NOL4: variants seen among roughly 807,000 people sequenced by gnomAD.
NOL4 encodes the protein nucleolar protein 4, also known as cancer/testis antigen 125.
NOL4 carries 17 observed loss-of-function variants against 75.9 expected under a neutral mutation model. That is an observed-to-expected ratio of 0.22 (90% CI 0.15 to 0.34). The LOEUF (loss-of-function observed/expected upper bound fraction) is 0.34. Among genes scored for constraint, NOL4 ranks in the 10% least tolerant of loss-of-function variants. The probability of loss-of-function intolerance (pLI) is 1.00; values close to 1 mark genes in which losing one functional copy is unlikely to be tolerated. For missense variants in NOL4, 614 were observed against 793.5 expected, an observed-to-expected ratio of 0.77 and a Z score of 2.72; for synonymous variants, 292 against 289.9, an observed-to-expected ratio of 1.01 and a Z score of -0.07.
rs763005568 is a variant in NOL4, at chr18:33,957,376, G to A, written c.1378C>T (p.Arg460Cys). 6.2e-7 allele frequency: 1 copy of A among 1,613,664 alleles called. No individual in the cohort carries two copies. Among genetic ancestry groups the A allele is most frequent in the Non-Finnish European group, 8.5e-7 (1 of 1,179,784 alleles). The stretch of plus-strand genomic sequence containing the variant: ...CGCCTGCAGGACTTGAGGTAAGTAC[G>A]TATACGTTTTCTGGCACGCTCTTGA... ...EYQERARKRIRTYLKSCRRMK... is the reference protein window; with the variant it reads ...EYQERARKRICTYLKSCRRMK... The change falls in exon 8 of 11, where the codon CGT becomes TGT. Residue 460 changes from arginine (R) to cysteine (C), a missense_variant. Coordinates refer to ENST00000261592, the MANE Select transcript of NOL4 (RefSeq NM_003787.5).
intron 1 of NOL4, among the ~76,000 whole-genome samples, chr18:34,203,910 A>C (rs2035940247): frequency 6.6e-6 from 1 of 151,894 alleles, no homozygotes; most frequent in Admixed American, 6.6e-5. Flanking sequence ...CCGTACCCTA[A>C]CTACTTTTGA....
chr18:34,156,989 CCTCCCCCA>C (rs1361841429), intron 1 of NOL4: 1 of 152,088 alleles, frequency 6.6e-6, no homozygotes, highest in Non-Finnish European at 1.5e-5. Context: ...TACAGGAGGC[CCTCCCCCA>C]CTGCAGGATC....
At chr18:33,939,153 A>C (rs1218363186) in intron 9 of NOL4, among the ~76,000 whole-genome samples, 1 of 152,136 alleles carries the variant, frequency 6.6e-6, no homozygotes, top group Non-Finnish European at 1.5e-5. Flanking sequence ...TTTTGGTATC[A>C]GTACCATGCT....
intron 6 of NOL4, among the ~76,000 whole-genome samples, chr18:33,994,903 C>T (rs2073165300): frequency 6.6e-6 from 1 of 151,296 alleles, no homozygotes; most frequent in South Asian, 2.1e-4. Flanking sequence ...AGTAGATCAA[C>T]AATGAAAAGA....
intron 8 of NOL4, among the ~76,000 whole-genome samples, chr18:33,949,996 T>C: frequency 6.6e-6 from 1 of 151,798 alleles, no homozygotes; most frequent in East Asian, 1.9e-4. Flanking sequence ...ATATATTTTG[T>C]ATATACTATA....
intron 10 of NOL4, among the ~76,000 whole-genome samples, chr18:33,862,119 A>G (rs1021721624): frequency 1.3e-5 from 2 of 152,172 alleles, no homozygotes; most frequent in Admixed American, 1.3e-4. Context: ...AAAGCCACAT[A>G]TCTACAACTA....
intron 7 of NOL4, among the ~76,000 whole-genome samples, chr18:33,957,790 A>T (rs1485722777): frequency 6.6e-6 from 1 of 152,162 alleles, no homozygotes; most frequent in Non-Finnish European, 1.5e-5. Context: ...TCAGGAAATA[A>T]CAGAGACTGT....
chr18:34,026,559 A>C (rs537785264), intron 5 of NOL4, among the ~76,000 whole-genome samples: 1 of 152,288 alleles, frequency 6.6e-6, no homozygotes, highest in African/African-American at 2.4e-5. Context: ...CCTAGTGTTA[A>C]ATTTTCCTAA....
chr18:34,142,232 G>T (rs890101992), intron 1 of NOL4, among the ~76,000 whole-genome samples: 5 of 152,170 alleles, frequency 3.3e-5, no homozygotes, highest in Non-Finnish European at 5.9e-5. Flanking sequence ...AGCTGTTGGC[G>T]GGACTGTAAA....
At chr18:33,884,814 A>T (rs922238464) in intron 9 of NOL4, among the ~76,000 whole-genome samples, 5 of 152,142 alleles carry the variant, frequency 3.3e-5, no homozygotes, top group Non-Finnish European at 5.9e-5. Context: ...AGTTTGCTCT[A>T]TTGAAACAGT....
At chr18:34,208,066 T>C (rs2036248221) in intron 1 of NOL4, among the ~76,000 whole-genome samples, 1 of 152,214 alleles carries the variant, frequency 6.6e-6, no homozygotes, top group Non-Finnish European at 1.5e-5. Flanking sequence ...ATTTGTACTG[T>C]CTGCTTTCAT....
intron 5 of NOL4, among the ~76,000 whole-genome samples, chr18:34,084,089 C>T (rs1390591667): frequency 1.3e-5 from 2 of 152,144 alleles, no homozygotes; most frequent in Admixed American, 6.5e-5. Context: ...CCGGCTGGAA[C>T]GCTCCCATAT....
chr18:34,046,075 T>C (rs1255926546), intron 5 of NOL4, among the ~76,000 whole-genome samples: 1 of 152,080 alleles, frequency 6.6e-6, no homozygotes, highest in African/African-American at 2.4e-5. Flanking sequence ...TTCCTGTCTA[T>C]TCCTTCCTCT....
chr18:34,135,058 G>A (rs141089381), intron 1 of NOL4, among the ~76,000 whole-genome samples: 1 of 152,180 alleles, frequency 6.6e-6, no homozygotes, highest in African/African-American at 2.4e-5. Flanking sequence ...GTAAAAACTT[G>A]ATGTGAAACA....
chr18:33,890,902 G>T (rs1371336228), intron 9 of NOL4, among the ~76,000 whole-genome samples: 1 of 151,850 alleles, frequency 6.6e-6, no homozygotes, highest in Non-Finnish European at 1.5e-5. Flanking sequence ...GAACCAGATG[G>T]CATGTTACAA....
At chr18:34,020,758 TA>T (rs892786386) in intron 5 of NOL4, among the ~76,000 whole-genome samples, 37 of 151,210 alleles carry the variant, frequency 2.4e-4, no homozygotes, top group African/African-American at 7.0e-4. Flanking sequence ...CCAATTTTGT[TA>T]AAAAAAAACA....
At chr18:33,932,438 A>G (rs2067760478) in intron 9 of NOL4, among the ~76,000 whole-genome samples, 1 of 152,112 alleles carries the variant, frequency 6.6e-6, no homozygotes, top group African/African-American at 2.4e-5. Context: ...TAGGAATAAA[A>G]TAGAAAATAA....
At chr18:34,037,417 T>C (rs2075958377) in intron 5 of NOL4, among the ~76,000 whole-genome samples, 1 of 152,040 alleles carries the variant, frequency 6.6e-6, no homozygotes, top group Non-Finnish European at 1.5e-5. Context: ...AAAAAAATCT[T>C]AAAGTTCATA....
At chr18:34,078,284 G>A (rs887980329) in intron 5 of NOL4, among the ~76,000 whole-genome samples, 1 of 152,150 alleles carries the variant, frequency 6.6e-6, no homozygotes, top group African/African-American at 2.4e-5. Flanking sequence ...GTTTTAGGGA[G>A]ACATAAATTG....
Sources: gnomAD v4.1 joint callset for allele counts (sites outside exome capture counted in the v4.1 genomes callset) on GRCh38, gnomAD v4.1.1 for gene constraint, MANE v1.5 for transcripts, NCBI Gene and HGNC (gene_info 2026-07-23, HGNC 2026-07-21) for gene names.